CDCA2: variants seen among roughly 807,000 people sequenced by gnomAD.
CDCA2 encodes the protein cell division cycle-associated protein 2.
Under a neutral mutation model 67.0 loss-of-function variants are expected in CDCA2, and 44 were observed. The ratio of observed to expected loss-of-function variants is 0.66; its 90% CI spans 0.52 to 0.84. CDCA2 has a LOEUF of 0.84. Ranked by LOEUF, CDCA2 falls within the 40% of genes least tolerant of loss-of-function variation. The probability of loss-of-function intolerance (pLI) is 0.00; values close to 1 mark genes in which losing one functional copy is unlikely to be tolerated. For synonymous variants in CDCA2, 447 were observed against 418.7 expected (o/e 1.07, Z -0.82); for missense variants, 1,253 against 1,203.2 (o/e 1.04, Z -0.61).
intron 13 of CDCA2, among the ~76,000 whole-genome samples, chr8:25,497,315 CCAT>C (rs1432950036): frequency 1.3e-5 from 2 of 151,986 alleles, no homozygotes; most frequent in Non-Finnish European, 2.9e-5. Flanking sequence ...AGCTGAGTAT[CCAT>C]CAACAGGTGA....
intron 12 of CDCA2, among the ~76,000 whole-genome samples, chr8:25,487,898 A>G (rs1803846496): frequency 6.6e-6 from 1 of 152,172 alleles, no homozygotes; most frequent in Non-Finnish European, 1.5e-5. Context: ...GATCTATATG[A>G]TTTTATGAAT....
At chr8:25,471,617 C>T (rs1295170394) in intron 7 of CDCA2, among the ~76,000 whole-genome samples, 1 of 152,178 alleles carries the variant, frequency 6.6e-6, no homozygotes, top group African/African-American at 2.4e-5. Context: ...CCATCTCAGC[C>T]TCCCAAAGTG....
intron 13 of CDCA2, among the ~76,000 whole-genome samples, chr8:25,491,247 T>C (rs184489175): frequency 1.2e-4 from 19 of 152,166 alleles, no homozygotes; most frequent in Non-Finnish European, 2.1e-4. Flanking sequence ...ATGGGAGAAG[T>C]CATCCAAATA....
chr8:25,476,140 G>A (rs1368600888), intron 7 of CDCA2, among the ~76,000 whole-genome samples: 1 of 152,106 alleles, frequency 6.6e-6, no homozygotes, highest in African/African-American at 2.4e-5. Context: ...CCAAATTCTG[G>A]GATATTCAGA....
At chr8:25,472,882 CTTAG>C (rs1172897080) in intron 7 of CDCA2, among the ~76,000 whole-genome samples, 1 of 152,084 alleles carries the variant, frequency 6.6e-6, no homozygotes, top group Admixed American at 6.6e-5. Context: ...AAATTACTCT[CTTAG>C]TTATTTTGAA....
intron 13 of CDCA2, 121 bp downstream of exon 13, chr8:25,488,810 A>G (rs921298825): frequency 4.5e-6 from 4 of 890,664 alleles, no homozygotes; most frequent in Admixed American, 3.8e-5. Flanking sequence ...TATTAATGCA[A>G]TCTTACCGTG....
intron 13 of CDCA2, among the ~76,000 whole-genome samples, chr8:25,501,420 A>G (rs1473174407): frequency 6.6e-6 from 1 of 152,218 alleles, no homozygotes; most frequent in Non-Finnish European, 1.5e-5. Flanking sequence ...CGAAGTCACC[A>G]TGCAGTGAGC....
intron 6 of CDCA2, among the ~76,000 whole-genome samples, chr8:25,469,225 C>T (rs1350996470): frequency 1.3e-5 from 2 of 152,192 alleles, no homozygotes; most frequent in Non-Finnish European, 2.9e-5. Context: ...TCGTCCTATT[C>T]GTTTTATGTG....
At chr8:25,495,800 A>G (rs1345202525) in intron 13 of CDCA2, among the ~76,000 whole-genome samples, 1 of 152,224 alleles carries the variant, frequency 6.6e-6, no homozygotes, top group Non-Finnish European at 1.5e-5. Context: ...AGAAGCACTG[A>G]ATTTAGAATA....
intron 7 of CDCA2, among the ~76,000 whole-genome samples, chr8:25,475,569 A>T (rs1803317081): frequency 6.6e-6 from 1 of 152,232 alleles, no homozygotes; most frequent in African/African-American, 2.4e-5. Flanking sequence ...GTTGGCTCAC[A>T]TCTTTACAGC....
chr8:25,466,125 GA>G (rs1802890305), intron 4 of CDCA2, 49 bp from the exon 5 acceptor site: 1 of 1,531,040 alleles, frequency 6.5e-7, no homozygotes. Context: ...CTAGAATATA[GA>G]AAGTATGAAT....
At chr8:25,494,982 G>A (rs1047005232) in intron 13 of CDCA2, among the ~76,000 whole-genome samples, 6 of 152,156 alleles carry the variant, frequency 3.9e-5, no homozygotes, top group Non-Finnish European at 7.3e-5. Context: ...CCCTGATCTT[G>A]CACTGCTAGC....
intron 13 of CDCA2, among the ~76,000 whole-genome samples, 193 bp downstream of exon 13, chr8:25,488,882 G>A (rs774814365): frequency 1.7e-4 from 26 of 152,058 alleles, no homozygotes; most frequent in African/African-American, 5.3e-4. Context: ...ACACTTTTGC[G>A]TCTTCTTCAT....
intron 13 of CDCA2, among the ~76,000 whole-genome samples, chr8:25,493,871 G>T (rs1804104855): frequency 6.6e-6 from 1 of 152,114 alleles, no homozygotes; most frequent in Non-Finnish European, 1.5e-5. Context: ...ATACTCATTT[G>T]TCCTTTGACC....
chr8:25,478,378 A>G (rs770929425), intron 7 of CDCA2, among the ~76,000 whole-genome samples: 23 of 152,066 alleles, frequency 1.5e-4, no homozygotes, highest in Non-Finnish European at 1.0e-4. Flanking sequence ...GGATTTTTTT[A>G]TGTATCCTCT....
In CDCA2 at chr8:25,507,247, G is replaced by A. The variant is rs756160933; in HGVS notation, c.2581G>A (p.Glu861Lys). The change falls in exon 15 of 15, where the codon GAA (glutamate) becomes AAA (lysine). Residue 861 changes from glutamate to lysine, a missense_variant. Glu to Lys is a moderately conservative substitution (Grantham distance 56). Transcript: ENST00000330560. ...ATCCTCCAGTGTGGGCAGCTCTGTAGAAATTAGTTTAGAAAATTCTGAACT... is the reference window on the plus strand; with the variant it reads ...ATCCTCCAGTGTGGGCAGCTCTGTAAAAATTAGTTTAGAAAATTCTGAACT... ...TPSSSVGSSV[E>K]ISLENSELFK... 2.5e-6 allele frequency: 4 copies of A among 1,613,996 alleles called. No individual in the cohort carries two copies. The African/African-American group carries it at 5.3e-5, about 22-fold the overall frequency.
chr8:25,480,526 G>C (rs550170222), intron 8 of CDCA2, among the ~76,000 whole-genome samples: 4 of 152,192 alleles, frequency 2.6e-5, no homozygotes, highest in African/African-American at 9.6e-5. Flanking sequence ...AGTCTTAAAA[G>C]TACCTCTTAT....
intron 13 of CDCA2, among the ~76,000 whole-genome samples, chr8:25,496,030 T>C (rs1054460928): frequency 6.6e-6 from 1 of 152,194 alleles, no homozygotes; most frequent in African/African-American, 2.4e-5. Flanking sequence ...AGATTATCAT[T>C]AGACATACCA....
intron 4 of CDCA2, among the ~76,000 whole-genome samples, chr8:25,465,275 A>T (rs1246041538): frequency 6.6e-6 from 1 of 152,018 alleles, no homozygotes; most frequent in East Asian, 1.9e-4. Context: ...TGCCCAGCCT[A>T]CTCTGTATGA....
Sources: gnomAD v4.1 joint callset for allele counts (sites outside exome capture counted in the v4.1 genomes callset) on GRCh38, gnomAD v4.1.1 for gene constraint, MANE v1.5 for transcripts, NCBI Gene and HGNC (gene_info 2026-07-23, HGNC 2026-07-21) for gene names.